Variants in TET1 observed in about 807,000 individuals in gnomAD.
TET1 encodes the protein methylcytosine dioxygenase TET1.
In TET1, 13 loss-of-function variants were observed where a neutral mutation model predicts 148.7. The ratio of observed to expected loss-of-function variants is 0.09; its 90% CI spans 0.06 to 0.14. TET1 has a LOEUF of 0.14. TET1 is among the 10% of genes least tolerant of loss of function. TET1 has a pLI of 1.00. For synonymous variants in TET1, 907 were observed against 937.2 expected (o/e 0.97, Z 0.59); for missense variants, 2,182 against 2,553.8 (o/e 0.85, Z 3.14).
intron 3 of TET1, among the ~76,000 whole-genome samples, chr10:68,637,868 CA>C (rs1288080594): frequency 0.027 from 3,428 of 125,812 alleles, 79 homozygotes; most frequent in African/African-American, 0.076. Context: ...GACTCCGTCT[CA>C]AAAAAAAAAA....
chr10:68,589,895 C>T (rs1177025452), intron 2 of TET1, among the ~76,000 whole-genome samples: 2 of 152,114 alleles, frequency 1.3e-5, no homozygotes, highest in Non-Finnish European at 2.9e-5. Context: ...TGGTCTCGTA[C>T]TCCTGGCCTC....
At chr10:68,651,162 G>A (rs1708737182) in intron 4 of TET1, among the ~76,000 whole-genome samples, 1 of 152,076 alleles carries the variant, frequency 6.6e-6, no homozygotes, top group African/African-American at 2.4e-5. Context: ...TTTTGTAATT[G>A]TGCAAATGTA....
rs149209663 is a variant in TET1 at position 68,628,355 on chromosome 10, G to C, written c.1969-16343G>C. Among the ~76,000 whole-genome samples the C allele has an allele frequency of 4.1e-3, 619 of 152,316 alleles. 4 individuals carry two copies. Among genetic ancestry groups the C allele is most frequent in the African/African-American group, 0.014 (584 of 41,578 alleles). ...TTTTCTCTGAGTGAATGACTAGAAG[G>C]TGTCGTCGTTAAGTTTAAATCTCTT... On this transcript the variant is annotated intron_variant, in intron 3 of 11. Coordinates refer to ENST00000373644, the MANE Select transcript of TET1 (RefSeq NM_030625.3).
At chr10:68,667,373 G>A in intron 7 of TET1, 117 bp downstream of exon 7, 1 of 893,642 alleles carries the variant, frequency 1.1e-6, no homozygotes, top group South Asian at 1.8e-5. Context: ...TGAGTATTGT[G>A]GAATTAAAAA....
chr10:68,669,601 A>G (rs1009294621), intron 7 of TET1, among the ~76,000 whole-genome samples: 8 of 148,346 alleles, frequency 5.4e-5, no homozygotes, highest in South Asian at 2.1e-4. Context: ...TGATTCGCCC[A>G]CCTCGGCCTC....
intron 3 of TET1, among the ~76,000 whole-genome samples, chr10:68,636,981 T>TGTGTGTGTGTGTGTGTGTG (rs61255091): frequency 4.9e-5 from 5 of 102,476 alleles, no homozygotes; most frequent in South Asian, 3.4e-4. Context: ...ATTTTACTCG[T>TGTGTGTGTGTGTGTGTGTG]TGTGTGTGTG....
At chr10:68,565,917 T>C (rs574726674) in intron 1 of TET1, among the ~76,000 whole-genome samples, 543 of 152,314 alleles carry the variant, frequency 3.6e-3, no homozygotes, top group Non-Finnish European at 6.2e-3. Flanking sequence ...GCCTCTTTCA[T>C]GATCTCATAA....
At chr10:68,625,406 C>G (rs942710301) in intron 3 of TET1, among the ~76,000 whole-genome samples, 3 of 152,106 alleles carry the variant, frequency 2.0e-5, no homozygotes, top group Non-Finnish European at 4.4e-5. Context: ...CTTGGGGTCT[C>G]AAAAGTCCCA....
At position 68,646,153 on chromosome 10, in the gene TET1, C is replaced by A. The variant is rs2054842896; in HGVS notation, c.3424C>A (p.Gln1142Lys). 1 of 1,612,978 alleles carries A rather than the reference C, an allele frequency of 6.2e-7. No homozygotes were observed. Among genetic ancestry groups the A allele is most frequent in the South Asian group, 1.1e-5 (1 of 90,824 alleles). ...TAATCATGGTTCATCATTAACAAAA[C>A]AAAAGAACCCAACCCAGAAAAAGAC... ...HNNHGSSLTK[Q>K]KNPTQKKTKS... The change falls in exon 4 of 12, where the codon CAA becomes AAA. Residue 1142 changes from glutamine (Q) to lysine (K), a missense_variant. Gln to Lys is a moderately conservative substitution (Grantham distance 53). Coordinates refer to ENST00000373644, the MANE Select transcript of TET1 (RefSeq NM_030625.3).
At chr10:68,647,320 T>C (rs1206368577) in intron 4 of TET1, among the ~76,000 whole-genome samples, 1 of 152,220 alleles carries the variant, frequency 6.6e-6, no homozygotes, top group Non-Finnish European at 1.5e-5. Context: ...ATGAATTTCG[T>C]AGGCCAGGCG....
At chr10:68,674,779 T>C (rs2055327193) in intron 8 of TET1, 1 of 495,346 alleles carries the variant, frequency 2.0e-6, no homozygotes, top group Admixed American at 2.4e-5. Flanking sequence ...AGACCTCTTA[T>C]GCTTAGCACC....
Position 68,680,239 on chromosome 10 carries a change from A to G in TET1, c.4825-1160A>G, listed in dbSNP as rs1667453725. Among the ~76,000 whole-genome samples the G allele has an allele frequency of 3.9e-5, 6 of 152,268 alleles. No individual in the cohort carries two copies. The South Asian group carries it at 1.2e-3, about 31-fold the overall frequency. On this transcript the variant is annotated intron_variant, in intron 8 of 11. Coordinates refer to ENST00000373644, the MANE Select transcript of TET1 (RefSeq NM_030625.3). ...GCATACCAAAGGTCAATTGATTCATATAATGGTCTCCTTTCTGTGTTAATG... is the reference window on the plus strand; with the variant it reads ...GCATACCAAAGGTCAATTGATTCATGTAATGGTCTCCTTTCTGTGTTAATG...
chr10:68,561,302 C>T (rs1283483695), intron 1 of TET1, among the ~76,000 whole-genome samples: 2 of 152,074 alleles, frequency 1.3e-5, no homozygotes, highest in African/African-American at 2.4e-5. Flanking sequence ...AACGCTTTGG[C>T]GCCTGTCTCC....
intron 9 of TET1, among the ~76,000 whole-genome samples, chr10:68,681,965 C>T (rs1313947170): frequency 3.1e-5 from 1 of 32,330 alleles, no homozygotes; most frequent in Non-Finnish European, 9.1e-5. Flanking sequence ...AAGACTCTGT[C>T]TCAAAAAAAA....
rs1397720799 is a variant in TET1 at position 68,692,912 on chromosome 10, T to G, written c.*1098T>G. The G allele has an allele frequency of 1.3e-5, 3 of 231,488 alleles. No individual in the cohort carries two copies. Among genetic ancestry groups the G allele is most frequent in the African/African-American group, 6.6e-5 (3 of 45,150 alleles). The allele number at this position is 231,488 out of a possible 1,614,324, so 14.3% of individuals were successfully genotyped here. On this transcript the variant is annotated 3_prime_UTR_variant, in exon 12 of 12. Transcript: ENST00000373644. ...AAAATACAAAAACTAAGTAGACAGA[T>G]ATTTGTACTGAAGTCTGATACAGAA...
At chr10:68,583,715 A>G (rs893862148) in intron 2 of TET1, among the ~76,000 whole-genome samples, 2 of 152,132 alleles carry the variant, frequency 1.3e-5, no homozygotes, top group Non-Finnish European at 2.9e-5. Context: ...GATCAAGACC[A>G]TCCTGGCTAA....
Position 68,650,663 on chromosome 10 carries a change from A to G in TET1, c.4277-1183A>G, listed in dbSNP as rs903323953. 5.9e-5 allele frequency among the ~76,000 whole-genome samples: 9 copies of G among 152,042 alleles called. No homozygotes were observed. The East Asian group carries it at 1.5e-3, about 26-fold the overall frequency. ...ATAATAATAAAAAATAAAGGTGAAA[A>G]AGGAAGCCACAGAAGTAATTCCCCT... On this transcript the variant is annotated intron_variant, in intron 4 of 11. Transcript: ENST00000373644.
Position 68,651,902 on chromosome 10 carries a change from AG to A in TET1, c.4334del (p.Ser1445MetfsTer20). 1 of 1,614,022 alleles carries A rather than the reference AG, an allele frequency of 6.2e-7. No homozygotes were observed. The highest frequency in any genetic ancestry group is 8.5e-7 in the Non-Finnish European group (1 of 1,179,972). The part of the protein sequence containing the change: ...PYYTHLGAGP[S>X]VAAVREIMEN... Reference sequence around the variant, plus strand: ...TTATACACACCTTGGGGCAGGACCAAGTGTTGCTGCTGTCAGGGAAATCATG... The same window carrying A: ...TTATACACACCTTGGGGCAGGACCAATGTTGCTGCTGTCAGGGAAATCATG... On this transcript the variant is annotated frameshift_variant, in exon 5 of 12. Coordinates refer to ENST00000373644, the MANE Select transcript of TET1 (RefSeq NM_030625.3). LOFTEE classifies it high-confidence loss of function.
rs752708590 is a variant in TET1, at chr10:68,573,412, T to G, written c.1074T>G (p.Val358=). 8.7e-6 allele frequency: 14 copies of G among 1,614,186 alleles called. No individual in the cohort carries two copies. Among genetic ancestry groups the G allele is most frequent in the Non-Finnish European group, 1.0e-5 (12 of 1,180,030 alleles). ...AAGCTACTGCAAATCAACAGGAAGT[T>G]TCTGATACCACCTCTTTCCTAGGAC... The part of the protein sequence containing the change: ...AFEATANQQE[V]SDTTSFLGQA... Residue 358 remains valine, a synonymous_variant, in exon 2 of 12, where the codon GTT becomes GTG. Coordinates refer to ENST00000373644, the MANE Select transcript of TET1 (RefSeq NM_030625.3).
Sources: gnomAD v4.1 joint callset for allele counts (sites outside exome capture counted in the v4.1 genomes callset) on GRCh38, gnomAD v4.1.1 for gene constraint, MANE v1.5 for transcripts, NCBI Gene and HGNC (gene_info 2026-07-23, HGNC 2026-07-21) for gene names.